Variants in STK10 observed in about 807,000 individuals in gnomAD.
STK10 encodes the protein serine/threonine kinase 10, also known as serine/threonine-protein kinase 10.
In STK10, 78 loss-of-function variants were observed where a neutral mutation model predicts 113.8. The observed-to-expected ratio is 0.69, with a 90% CI of 0.57 to 0.83. The LOEUF is 0.83. Among genes scored for constraint, STK10 ranks in the 40% least tolerant of loss-of-function variants. The probability of loss-of-function intolerance (pLI) is 0.00; values close to 1 mark genes in which losing one functional copy is unlikely to be tolerated. For synonymous variants in STK10, 465 were observed against 494.7 expected (o/e 0.94, Z 0.80); for missense variants, 1,109 against 1,280.1 (o/e 0.87, Z 2.04).
At chr5:172,156,441 A>G (rs947740445) in intron 2 of STK10, among the ~76,000 whole-genome samples, 183 bp downstream of exon 2, 1 of 152,308 alleles carries the variant, frequency 6.6e-6, no homozygotes, top group South Asian at 2.1e-4. Flanking sequence ...TCTACTCCCA[A>G]GGGGGAGGCA....
At chr5:172,117,363 T>C (rs1388264322) in intron 4 of STK10, 118 bp downstream of exon 4, 2 of 1,158,514 alleles carry the variant, frequency 1.7e-6, no homozygotes, top group East Asian at 2.5e-5. Flanking sequence ...CAAGAGGGCG[T>C]AGGCGTGAGG....
intron 2 of STK10, among the ~76,000 whole-genome samples, chr5:172,146,887 C>T (rs1163107449): frequency 1.3e-5 from 2 of 152,168 alleles, no homozygotes; most frequent in Non-Finnish European, 2.9e-5. Flanking sequence ...GTGTGTATTC[C>T]GATTCAATTC....
intron 2 of STK10, among the ~76,000 whole-genome samples, chr5:172,139,900 CAA>C (rs34385866): frequency 4.9e-3 from 451 of 92,344 alleles, no homozygotes; most frequent in Middle Eastern, 0.014. Context: ...AAAGCACAGC[CAA>C]AAAAAAAAAA....
intron 8 of STK10, among the ~76,000 whole-genome samples, chr5:172,094,772 T>A (rs1052440229): frequency 8.5e-5 from 13 of 152,338 alleles, no homozygotes; most frequent in South Asian, 2.1e-4. Flanking sequence ...TCATATTTTT[T>A]AAAAAATCAT....
intron 7 of STK10, among the ~76,000 whole-genome samples, chr5:172,097,549 G>A (rs755479099): frequency 4.6e-5 from 7 of 152,190 alleles, no homozygotes; most frequent in Non-Finnish European, 1.0e-4. Flanking sequence ...TCAGCGTCAT[G>A]ACTGTGAGAT....
chr5:172,141,004 G>A (rs1769960608), intron 2 of STK10, among the ~76,000 whole-genome samples: 1 of 152,170 alleles, frequency 6.6e-6, no homozygotes, highest in Non-Finnish European at 1.5e-5. Context: ...CATGGAATAA[G>A]CCAGTCACGG....
intron 2 of STK10, among the ~76,000 whole-genome samples, chr5:172,147,991 C>T (rs758506012): frequency 7.9e-5 from 12 of 152,190 alleles, no homozygotes; most frequent in Non-Finnish European, 1.8e-4. Flanking sequence ...GCGTGGTTCA[C>T]ACATCTGTTG....
chr5:172,052,866 A>G (rs1447557940), intron 18 of STK10, 63 bp downstream of exon 18: 11 of 1,521,914 alleles, frequency 7.2e-6, no homozygotes, highest in Non-Finnish European at 1.0e-5. Flanking sequence ...TGTCCTGGCC[A>G]GAGGCCTGTG....
At chr5:172,177,809 G>A (rs1293578421) in intron 1 of STK10, among the ~76,000 whole-genome samples, 4 of 152,098 alleles carry the variant, frequency 2.6e-5, no homozygotes, top group Non-Finnish European at 5.9e-5. Flanking sequence ...AGACAGAAGG[G>A]ACCAACTTAC....
intron 18 of STK10, among the ~76,000 whole-genome samples, chr5:172,050,735 G>C (rs7445155): frequency 0.64 from 96,870 of 150,822 alleles, 31,635 homozygotes; most frequent in African/African-American, 0.74. Context: ...TTCTTTTTGC[G>C]AGGGTCTCAA....
chr5:172,167,534 G>C (rs1770593044), intron 1 of STK10, among the ~76,000 whole-genome samples: 2 of 152,150 alleles, frequency 1.3e-5, no homozygotes, highest in South Asian at 2.1e-4. Flanking sequence ...GTCCCAGCGA[G>C]GGCAGACTGG....
chr5:172,183,789 G>C (rs1050205332), intron 1 of STK10, among the ~76,000 whole-genome samples: 3 of 152,184 alleles, frequency 2.0e-5, no homozygotes, highest in African/African-American at 7.2e-5. Flanking sequence ...AAACCAATTT[G>C]TAGGACTGGT....
rs748178739 is a variant in STK10 at position 172,055,570 on chromosome 5, C to G, written c.2526+18G>C. On this transcript the variant is annotated intron_variant, in intron 16 of 18. Coordinates refer to ENST00000176763, the MANE Select transcript of STK10 (RefSeq NM_005990.4). ...TACACCCCAGCACACTTGCAGACCCCGCAGGCCCGGCCCCCACCTGCTTGA... is the reference window on the plus strand; with the variant it reads ...TACACCCCAGCACACTTGCAGACCCGGCAGGCCCGGCCCCCACCTGCTTGA... 7.6e-6 allele frequency: 11 copies of G among 1,443,438 alleles called. No individual in the cohort carries two copies. The highest frequency in any genetic ancestry group is 1.0e-5 in the Non-Finnish European group (11 of 1,087,972). The allele number at this position is 1,443,438 out of a possible 1,614,324, so 89.4% of individuals were successfully genotyped here.
At chr5:172,092,196 C>T (rs1269107547) in intron 9 of STK10, among the ~76,000 whole-genome samples, 3 of 152,200 alleles carry the variant, frequency 2.0e-5, no homozygotes, top group East Asian at 1.9e-4. Flanking sequence ...AGGGCACCCA[C>T]AGCCACAGCC....
rs1252680220 is a variant in STK10 at position 172,093,098 on chromosome 5, C to A, written c.1554+314G>T. On this transcript the variant is annotated intron_variant, in intron 9 of 18. Transcript: ENST00000176763. The surrounding 1 kb of genome is among the most constrained non-coding windows in gnomAD (Gnocchi z 4.1). ...TCCTTTAGTTGGATTTACCAGTTAT[C>A]AGCTGGGTCTCGTGGCTGACCTCTG... 6.6e-6 allele frequency among the ~76,000 whole-genome samples: 1 copy of A among 152,212 alleles called. No homozygotes were observed. The highest frequency in any genetic ancestry group is 6.5e-5 in the Admixed American group (1 of 15,284).
intron 2 of STK10, among the ~76,000 whole-genome samples, chr5:172,145,725 C>T (rs1411950490): frequency 6.6e-6 from 1 of 152,228 alleles, no homozygotes; most frequent in Non-Finnish European, 1.5e-5. Flanking sequence ...AGATCCAAGC[C>T]TCAGTATGCT....
chr5:172,134,034 G>A (rs1271242396), intron 2 of STK10, among the ~76,000 whole-genome samples: 1 of 152,198 alleles, frequency 6.6e-6, no homozygotes, highest in Non-Finnish European at 1.5e-5. Flanking sequence ...TCCAACAAGT[G>A]CTCAGATGCT....
intron 1 of STK10, among the ~76,000 whole-genome samples, chr5:172,162,703 C>T (rs1312771210): frequency 6.6e-6 from 1 of 152,226 alleles, no homozygotes; most frequent in African/African-American, 2.4e-5. Flanking sequence ...ACCAAGGCAA[C>T]CACCTTGACC....
chr5:172,124,760 T>C (rs187156104), intron 3 of STK10, among the ~76,000 whole-genome samples: 5 of 152,300 alleles, frequency 3.3e-5, no homozygotes, highest in South Asian at 2.1e-4. Context: ...AATCACAGGA[T>C]AGTTGTATCC....
Sources: gnomAD v4.1 joint callset for allele counts (sites outside exome capture counted in the v4.1 genomes callset) on GRCh38, gnomAD v4.1.1 for gene constraint, Gnocchi (gnomAD v3.1) non-coding constraint, MANE v1.5 for transcripts, NCBI Gene and HGNC (gene_info 2026-07-23, HGNC 2026-07-21) for gene names.